MIPEP: variants seen among roughly 807,000 people sequenced by gnomAD.
MIPEP encodes the protein mitochondrial intermediate peptidase.
Under a neutral mutation model 90.3 loss-of-function variants are expected in MIPEP, and 79 were observed. The ratio of observed to expected loss-of-function variants is 0.87; its 90% CI spans 0.73 to 1.05. MIPEP has a LOEUF of 1.05. Among genes scored for constraint, MIPEP ranks in the 50% least tolerant of loss-of-function variants. MIPEP has a pLI of 0.00. For missense variants in MIPEP, 940 were observed against 905.6 expected (o/e 1.04, Z -0.49); for synonymous variants, 334 against 315.8 (o/e 1.06, Z -0.61).
intron 16 of MIPEP, among the ~76,000 whole-genome samples, chr13:23,767,973 G>T (rs1243669177): frequency 6.6e-6 from 1 of 152,170 alleles, no homozygotes; most frequent in African/African-American, 2.4e-5. Flanking sequence ...TTTCCCAGAT[G>T]CCCCGAGGCG....
At position 23,889,115 on chromosome 13, in the gene MIPEP, C is replaced by T; in HGVS notation, c.189+17G>A. The T allele has an allele frequency of 7.1e-7, 1 of 1,401,788 alleles. No homozygotes were observed. 86.8% of individuals were successfully genotyped at this position (1,401,788 alleles called of 1,614,324 possible). Reference sequence around the variant, plus strand: ...CTTAGCTCGGGGACTGAGGGGAGCTCCTCCTGCGCCGCTCACCCGGCGCTC... The same window carrying T: ...CTTAGCTCGGGGACTGAGGGGAGCTTCTCCTGCGCCGCTCACCCGGCGCTC... On this transcript the variant is annotated intron_variant, in intron 1 of 18. Transcript: ENST00000382172.
intron 16 of MIPEP, among the ~76,000 whole-genome samples, chr13:23,767,276 G>A (rs1394146642): frequency 6.6e-6 from 1 of 152,170 alleles, no homozygotes; most frequent in Non-Finnish European, 1.5e-5. Context: ...ACTGTTTTAA[G>A]CCACTACATT....
intron 7 of MIPEP, among the ~76,000 whole-genome samples, chr13:23,865,615 A>ACATT (rs1484934008): frequency 6.6e-6 from 1 of 152,078 alleles, no homozygotes; most frequent in African/African-American, 2.4e-5. Context: ...CCGTGTTTTA[A>ACATT]CATTCACCCA....
chr13:23,866,411 G>C (rs9510913), intron 7 of MIPEP, among the ~76,000 whole-genome samples: 7,206 of 152,242 alleles, frequency 0.047, 230 homozygotes, highest in Middle Eastern at 0.071. Context: ...CAAGCACTTA[G>C]TGCACAAGGG....
chr13:23,869,166 A>G, intron 7 of MIPEP, 126 bp downstream of exon 7: 1 of 855,156 alleles, frequency 1.2e-6, no homozygotes, highest in Non-Finnish European at 1.7e-6. Context: ...AAATACATAG[A>G]AAATCTCAAT....
chr13:23,848,274 G>C (rs1270243600), intron 10 of MIPEP, among the ~76,000 whole-genome samples: 1 of 152,172 alleles, frequency 6.6e-6, no homozygotes, highest in East Asian at 1.9e-4. Flanking sequence ...CACGGACAGG[G>C]ACAAGACTAA....
intron 16 of MIPEP, among the ~76,000 whole-genome samples, chr13:23,791,330 G>A (rs1010634671): frequency 1.1e-4 from 16 of 152,082 alleles, no homozygotes; most frequent in South Asian, 2.1e-4. Flanking sequence ...GGCCCTTAAC[G>A]TGGCCTGCAA....
chr13:23,730,524 A>T, intron 18 of MIPEP, 79 bp from the exon 19 acceptor site: 3 of 853,620 alleles, frequency 3.5e-6, no homozygotes, highest in Non-Finnish European at 5.9e-6. Flanking sequence ...AAATCCACAC[A>T]CTAGAGGAAC....
intron 7 of MIPEP, among the ~76,000 whole-genome samples, chr13:23,868,313 C>T (rs1461593062): frequency 3.3e-5 from 5 of 152,110 alleles, no homozygotes; most frequent in Admixed American, 6.5e-5. Context: ...CCGCAATGAG[C>T]GTGACACGCC....
chr13:23,877,908 T>C (rs922944462), intron 4 of MIPEP, among the ~76,000 whole-genome samples: 2 of 152,224 alleles, frequency 1.3e-5, no homozygotes, highest in Non-Finnish European at 2.9e-5. Flanking sequence ...TTCTAGACTG[T>C]TGATATTCTA....
chr13:23,884,488 G>A (rs2137541435), intron 2 of MIPEP, among the ~76,000 whole-genome samples: 1 of 152,326 alleles, frequency 6.6e-6, no homozygotes, highest in Admixed American at 6.5e-5. Context: ...TGGAACAGGA[G>A]AAAGAAGAAG....
rs1308573553 is a variant in MIPEP at position 23,835,175 on chromosome 13, T to C, written c.1653+1065A>G. Among the ~76,000 whole-genome samples the C allele has an allele frequency of 2.6e-5, 4 of 152,012 alleles. No individual in the cohort carries two copies. In the South Asian group the frequency reaches 6.2e-4, roughly 24 times the overall value. The stretch of plus-strand genomic sequence containing the variant: ...AGCTGTGACTACAGGCATGTGCCAC[T>C]GCGCCTGGCTAACTTTTGTATTTTT... On this transcript the variant is annotated intron_variant, in intron 14 of 18. Coordinates refer to ENST00000382172, the MANE Select transcript of MIPEP (RefSeq NM_005932.4).
intron 14 of MIPEP, among the ~76,000 whole-genome samples, chr13:23,823,144 T>C (rs1029895315): frequency 6.6e-6 from 1 of 152,012 alleles, no homozygotes; most frequent in Non-Finnish European, 1.5e-5. Flanking sequence ...CAAACTTAAA[T>C]TGTTCTAATT....
chr13:23,790,162 G>T (rs1306796834), intron 16 of MIPEP, among the ~76,000 whole-genome samples: 1 of 152,200 alleles, frequency 6.6e-6, no homozygotes, highest in Non-Finnish European at 1.5e-5. Flanking sequence ...TTCACTGCCA[G>T]TTCCTTCTCC....
chr13:23,794,067 C>T (rs1206934294), intron 16 of MIPEP, among the ~76,000 whole-genome samples: 3 of 152,084 alleles, frequency 2.0e-5, no homozygotes, highest in African/African-American at 7.2e-5. Flanking sequence ...CTTCCTAGGA[C>T]GCTCATTAGG....
intron 16 of MIPEP, chr13:23,760,450 T>C (rs1166043804): frequency 4.3e-6 from 3 of 704,226 alleles, no homozygotes; most frequent in Non-Finnish European, 8.0e-6. Flanking sequence ...TACCTCAGAA[T>C]GTGACTTATT....
chr13:23,812,580 C>T (rs998334371), intron 14 of MIPEP, among the ~76,000 whole-genome samples: 4 of 152,108 alleles, frequency 2.6e-5, no homozygotes, highest in African/African-American at 4.8e-5. Flanking sequence ...CAGACCATGA[C>T]GGGATGGGCA....
At chr13:23,763,034 G>A (rs1448107785) in intron 16 of MIPEP, among the ~76,000 whole-genome samples, 4 of 152,216 alleles carry the variant, frequency 2.6e-5, no homozygotes, top group Admixed American at 6.5e-5. Context: ...TATTTAAAAC[G>A]AAAGCAAAGA....
At chr13:23,810,129 G>A (rs1207035393) in intron 14 of MIPEP, among the ~76,000 whole-genome samples, 1 of 152,154 alleles carries the variant, frequency 6.6e-6, no homozygotes, top group Admixed American at 6.5e-5. Context: ...AGTGGTAATT[G>A]TCAAATAAGG....
Sources: allele counts gnomAD v4.1 joint callset (sites outside exome capture counted in the v4.1 genomes callset), GRCh38; gene constraint gnomAD v4.1.1; transcripts MANE v1.5; gene names NCBI Gene and HGNC (gene_info 2026-07-23, HGNC 2026-07-21).